Variants in PARG observed in about 807,000 individuals in gnomAD.
PARG encodes the protein mitochondrial poly(ADP-ribose) glycohydrolase.
Under a neutral mutation model 113.0 loss-of-function variants are expected in PARG, and 35 were observed. The observed-to-expected ratio is 0.31, with a 90% confidence interval of 0.24 to 0.41. The LOEUF (loss-of-function observed/expected upper bound fraction) is 0.41. Ranked by LOEUF, PARG falls within the 10% of genes least tolerant of loss-of-function variation. The probability of loss-of-function intolerance (pLI) is 1.00; values close to 1 mark genes in which losing one functional copy is unlikely to be tolerated. For missense variants in PARG, 797 were observed against 1,169.4 expected, an observed-to-expected ratio of 0.68 and a Z score of 4.64; for synonymous variants, 330 against 409.9, an observed-to-expected ratio of 0.81 and a Z score of 2.36.
At chr10:49,922,854 AT>A (rs1307378765) in intron 4 of PARG, among the ~76,000 whole-genome samples, 185 bp from the exon 5 acceptor site, 1 of 152,172 alleles carries the variant, frequency 6.6e-6, no homozygotes, top group Non-Finnish European at 1.5e-5. Context: ...GTCACCAGAT[AT>A]AGTATATATT....
intron 7 of PARG, 61 bp from the exon 8 acceptor site, chr10:49,885,356 A>T: frequency 1.9e-6 from 2 of 1,051,744 alleles, no homozygotes; most frequent in Non-Finnish European, 1.5e-6. Context: ...ATAACTAATG[A>T]ATATGTTTGT....
At chr10:49,900,700 T>C (rs1382248833) in intron 7 of PARG, among the ~76,000 whole-genome samples, 1 of 152,208 alleles carries the variant, frequency 6.6e-6, no homozygotes, top group Non-Finnish European at 1.5e-5. Context: ...ACTATTATGG[T>C]AAATGATTAT....
intron 4 of PARG, among the ~76,000 whole-genome samples, chr10:49,928,265 C>T (rs1554851207): frequency 6.6e-6 from 1 of 150,396 alleles, no homozygotes; most frequent in Non-Finnish European, 1.5e-5. Context: ...AGCAAGACTC[C>T]ATCTCGAAAA....
chr10:49,856,104 G>A (rs1232222231), intron 13 of PARG, among the ~76,000 whole-genome samples: 1 of 150,966 alleles, frequency 6.6e-6, no homozygotes, highest in Non-Finnish European at 1.5e-5. Flanking sequence ...AAGCATACAC[G>A]TGACTAAATT....
intron 13 of PARG, among the ~76,000 whole-genome samples, chr10:49,847,534 A>G (rs1474900876): frequency 6.6e-6 from 1 of 152,218 alleles, no homozygotes; most frequent in Non-Finnish European, 1.5e-5. Context: ...CAATCTACAA[A>G]ATAACTAGCC....
rs1195485196 is a variant in PARG at position 49,933,569 on chromosome 10, T to C, written c.879A>G (p.Pro293=). Residue 293 remains proline, a synonymous_variant, in exon 3 of 18, where the codon CCA becomes CCG. Coordinates refer to ENST00000616448, the MANE Select transcript of PARG (RefSeq NM_003631.5). ...RQESCLGNSP[P]FEKESEPESP... ...ACTCGGGTTCACTTTCCTTCTCAAATGGAGGAGAATTTCCTAGGCAACTTT... is the reference window on the plus strand; with the variant it reads ...ACTCGGGTTCACTTTCCTTCTCAAACGGAGGAGAATTTCCTAGGCAACTTT... 1.2e-5 allele frequency: 20 copies of C among 1,611,686 alleles called. No individual in the cohort carries two copies. Among genetic ancestry groups the C allele is most frequent in the Non-Finnish European group, 1.6e-5 (19 of 1,178,036 alleles).
intron 15 of PARG, among the ~76,000 whole-genome samples, chr10:49,835,732 C>G (rs1844884493): frequency 6.6e-6 from 1 of 151,946 alleles, no homozygotes; most frequent in Admixed American, 6.6e-5. Context: ...TAGTCTGGCA[C>G]AAACTGATGT....
At chr10:49,820,871 C>G (rs1344992963) in intron 16 of PARG, among the ~76,000 whole-genome samples, 2 of 152,086 alleles carry the variant, frequency 1.3e-5, no homozygotes, top group African/African-American at 4.8e-5. Flanking sequence ...AAGCTGCAAA[C>G]CATGGGACTA....
chr10:49,850,731 T>G (rs1845723619), intron 13 of PARG, among the ~76,000 whole-genome samples: 1 of 152,176 alleles, frequency 6.6e-6, no homozygotes, highest in Non-Finnish European at 1.5e-5. Context: ...ATTATCATGT[T>G]TCTACTTCAT....
chr10:49,836,777 C>T (rs192064796), intron 15 of PARG, among the ~76,000 whole-genome samples: 3 of 152,180 alleles, frequency 2.0e-5, no homozygotes, highest in African/African-American at 2.4e-5. Context: ...ATTCCAAATA[C>T]GGTGGTGAAT....
chr10:49,917,819 GA>G (rs782349676), intron 6 of PARG, among the ~76,000 whole-genome samples: 101 of 57,262 alleles, frequency 1.8e-3, no homozygotes, highest in Middle Eastern at 8.6e-3. Flanking sequence ...TCCTGTCTCA[GA>G]AAAAAAAAAA....
chr10:49,845,034 T>TA (rs1405068016), intron 13 of PARG, among the ~76,000 whole-genome samples: 2 of 151,284 alleles, frequency 1.3e-5, no homozygotes, highest in African/African-American at 2.4e-5. Flanking sequence ...GAAATGCAAA[T>TA]AAAAAAAATC....
At chr10:49,892,850 G>A (rs1323012825) in intron 7 of PARG, among the ~76,000 whole-genome samples, 1 of 152,216 alleles carries the variant, frequency 6.6e-6, no homozygotes, top group East Asian at 1.9e-4. Flanking sequence ...AGGAGGCCAA[G>A]CCAAGTGGAT....
At chr10:49,860,844 C>G (rs1470936127) in intron 12 of PARG, among the ~76,000 whole-genome samples, 1 of 151,730 alleles carries the variant, frequency 6.6e-6, no homozygotes, top group African/African-American at 2.4e-5. Context: ...TTACAATGCT[C>G]TTATAAATGG....
At chr10:49,893,549 CTGTG>C (rs1291023670) in intron 7 of PARG, among the ~76,000 whole-genome samples, 8 of 152,206 alleles carry the variant, frequency 5.3e-5, no homozygotes, top group Non-Finnish European at 1.2e-4. Context: ...CAGGGTCTCA[CTGTG>C]TCGCCAAAGC....
At chr10:49,821,181 A>G (rs1012906703) in intron 16 of PARG, among the ~76,000 whole-genome samples, 11 of 152,100 alleles carry the variant, frequency 7.2e-5, no homozygotes, top group Non-Finnish European at 1.5e-4. Context: ...AACAATCGAG[A>G]TCTACTATCT....
At chr10:49,853,114 A>C (rs1845832912) in intron 13 of PARG, among the ~76,000 whole-genome samples, 1 of 147,486 alleles carries the variant, frequency 6.8e-6, no homozygotes, top group Admixed American at 6.8e-5. Context: ...GCTCACTGCA[A>C]GCTCCGCCTC....
At chr10:49,825,834 G>T (rs782661417) in intron 16 of PARG, among the ~76,000 whole-genome samples, 5 of 152,112 alleles carry the variant, frequency 3.3e-5, no homozygotes, top group Non-Finnish European at 7.3e-5. Flanking sequence ...CTCACAGATA[G>T]TTAAAAAAAT....
intron 6 of PARG, among the ~76,000 whole-genome samples, chr10:49,916,347 T>C (rs1837470886): frequency 1.3e-5 from 2 of 152,140 alleles, no homozygotes; most frequent in South Asian, 4.1e-4. Context: ...CTTGAAAGCG[T>C]CAGATTATAT....
Sources: allele counts gnomAD v4.1 joint callset (sites outside exome capture counted in the v4.1 genomes callset), GRCh38; gene constraint gnomAD v4.1.1; transcripts MANE v1.5; gene names NCBI Gene and HGNC (gene_info 2026-07-23, HGNC 2026-07-21).